ADGRB2: variants seen among roughly 807,000 people sequenced by gnomAD.
ADGRB2 encodes brain-specific angiogenesis inhibitor 2.
ADGRB2 carries 47 observed loss-of-function variants against 178.7 expected under a neutral mutation model. The observed-to-expected ratio is 0.26, with a 90% confidence interval of 0.21 to 0.34. The LOEUF (loss-of-function observed/expected upper bound fraction) is 0.34. ADGRB2 is among the 10% of genes least tolerant of loss of function. ADGRB2 has a pLI of 1.00. For missense variants in ADGRB2, 1,584 were observed against 2,180.8 expected, an observed-to-expected ratio of 0.73 and a Z score of 5.45; for synonymous variants, 870 against 912.4, an observed-to-expected ratio of 0.95 and a Z score of 0.84.
Position 31,756,989 on chromosome 1 carries a change from T to A in ADGRB2, c.22-174A>T, listed in dbSNP as rs1236670239. On this transcript the variant is annotated intron_variant, in intron 3 of 32. Transcript: ENST00000373658. This position sits in a 1 kb window ranked among gnomAD's most constrained non-coding sequence, Gnocchi z 8.5. ...GGACTTGACCTCTCTGAGCCTCAGT[T>A]TCCTTACCTGTAAAATGGACCAATG... is the stretch of plus-strand genomic sequence containing the variant. 6.6e-6 allele frequency among the ~76,000 whole-genome samples: 1 copy of A among 152,196 alleles called. No homozygotes were observed. Among genetic ancestry groups the A allele is most frequent in the Admixed American group, 6.5e-5 (1 of 15,284 alleles).
intron 15 of ADGRB2, 46 bp from the exon 16 acceptor site, chr1:31,738,983 C>T (rs553320440): frequency 6.6e-7 from 1 of 1,521,562 alleles, no homozygotes; most frequent in South Asian, 1.2e-5. Flanking sequence ...GGGTGCCAGC[C>T]CCAGTCAGAA....
intron 3 of ADGRB2, 74 bp downstream of exon 3, chr1:31,757,127 G>A (rs1470800588): frequency 4.3e-6 from 7 of 1,609,230 alleles, no homozygotes; most frequent in East Asian, 2.2e-5. Flanking sequence ...TGTTGCCATC[G>A]TTCTGTTTCC....
At chr1:31,749,097 C>A (rs1314321240) in intron 4 of ADGRB2, among the ~76,000 whole-genome samples, 2 of 152,242 alleles carry the variant, frequency 1.3e-5, no homozygotes, top group Admixed American at 1.3e-4. Flanking sequence ...CCGCCTCCAT[C>A]TAAGCCCCTG....
rs1557728573 is a variant in ADGRB2 at position 31,728,979 on chromosome 1, G to A, written c.4381-346C>T. Among the ~76,000 whole-genome samples, 1 of 152,070 alleles carries A rather than the reference G, an allele frequency of 6.6e-6. No individual in the cohort carries two copies. The highest frequency in any genetic ancestry group is 1.9e-4 in the East Asian group (1 of 5,190). ...CCATCTTGCCCCATTCTCTCTGCCA[G>A]CCATAGCTACCCCTCCCCTTGGAAC... On this transcript the variant is annotated intron_variant, in intron 29 of 32. Coordinates refer to ENST00000373658, the MANE Select transcript of ADGRB2 (RefSeq NM_001364857.2). The surrounding 1 kb of genome is among the most constrained non-coding windows in gnomAD (Gnocchi z 6.7).
rs981012238 is a variant in ADGRB2, at chr1:31,733,061, G to A, written c.3535C>T (p.Arg1179Cys). ...AAGAGGGCCTGGAAGAGGACGGAAC[G>A]GCGGTCTGTCATAGCCAGGACGGCA... is the stretch of plus-strand genomic sequence containing the variant. Reference protein sequence around the residue: ...MSAVLAMTDRRSVLFQALFAV... With the variant: ...MSAVLAMTDRCSVLFQALFAV... Residue 1179 changes from arginine (R) to cysteine (C), a missense_variant, in exon 26 of 33, where the codon CGT (arginine) becomes TGT (cysteine). Coordinates refer to ENST00000373658, the MANE Select transcript of ADGRB2 (RefSeq NM_001364857.2). This position sits in a 1 kb window ranked among gnomAD's most constrained non-coding sequence, Gnocchi z 4.3. The A allele has an allele frequency of 2.5e-6, 4 of 1,580,216 alleles. No homozygotes were observed. Among genetic ancestry groups the A allele is most frequent in the African/African-American group, 1.3e-5 (1 of 74,224 alleles).
Position 31,727,517 on chromosome 1 carries a change from G to A in ADGRB2, c.4661C>T (p.Ser1554Leu), listed in dbSNP as rs1424619746. ...CCGTTCTCGGGGCTTGGGGGGCAGC[G>A]AGCCCAGTGTCATAGATTTGAAGGT... Reference protein sequence around the residue: ...WSTFKSMTLGSLPPKPRERLT... With the variant: ...WSTFKSMTLGLLPPKPRERLT... Residue 1554 changes from serine (S) to leucine (L), a missense_variant, in exon 33 of 33, where the codon TCG becomes TTG. Transcript: ENST00000373658. The surrounding 1 kb of genome is among the most constrained non-coding windows in gnomAD (Gnocchi z 4.4). The A allele has an allele frequency of 6.9e-6, 11 of 1,596,890 alleles. No homozygotes were observed. Among genetic ancestry groups the A allele is most frequent in the African/African-American group, 1.4e-5 (1 of 73,472 alleles).
chr1:31,750,946 T>A (rs576747718), intron 4 of ADGRB2, among the ~76,000 whole-genome samples: 2 of 151,744 alleles, frequency 1.3e-5, no homozygotes, highest in Non-Finnish European at 2.9e-5. Context: ...CACAGAGAGC[T>A]GGGTCCCTGC....
Position 31,756,540 on chromosome 1 carries a change from G to A in ADGRB2, c.297C>T (p.Pro99=). 1 of 1,613,424 alleles carries A rather than the reference G, an allele frequency of 6.2e-7. No homozygotes were observed. The highest frequency in any genetic ancestry group is 8.5e-7 in the Non-Finnish European group (1 of 1,179,710). The change falls in exon 4 of 33, where the codon CCC becomes CCT. Residue 99 remains proline (P), a synonymous_variant. Transcript: ENST00000373658. The surrounding 1 kb of genome is among the most constrained non-coding windows in gnomAD (Gnocchi z 8.5). The stretch of plus-strand genomic sequence containing the variant: ...TAAAGTTGACCAGGTAGTGGTCCAG[G>A]GGCAGCAGGCGGGGGGCAAAGTGTG... ...VCAHFAPRLL[P]LDHYLVNFTC...
In ADGRB2 at chr1:31,736,564, C is replaced by T; in HGVS notation, c.3130+9G>A. 1.2e-6 allele frequency: 2 copies of T among 1,613,194 alleles called. No individual in the cohort carries two copies. The highest frequency in any genetic ancestry group is 1.7e-6 in the Non-Finnish European group (2 of 1,179,522). On this transcript the variant is annotated intron_variant, in intron 21 of 32. Coordinates refer to ENST00000373658, the MANE Select transcript of ADGRB2 (RefSeq NM_001364857.2). ...CCCAGCAGCAGAGTCCAGCACTGGC[C>T]CTGCTCACCCCAGCCCAGGCAGAGG...
chr1:31,733,440 G>T lies in ADGRB2; in HGVS notation c.3453-297C>A, dbSNP rs1645402413. Among the ~76,000 whole-genome samples, 1 of 152,234 alleles carries T rather than the reference G, an allele frequency of 6.6e-6. No individual in the cohort carries two copies. Among genetic ancestry groups the T allele is most frequent in the East Asian group, 1.9e-4 (1 of 5,194 alleles). On this transcript the variant is annotated intron_variant, in intron 25 of 32. Transcript: ENST00000373658. The surrounding 1 kb of genome is among the most constrained non-coding windows in gnomAD (Gnocchi z 4.3). Reference sequence around the variant, plus strand: ...AGTGGAAAGGGACGGGGAGAGAGAAGAGGAGGCAGACAGATGCACAGAATC... The same window carrying T: ...AGTGGAAAGGGACGGGGAGAGAGAATAGGAGGCAGACAGATGCACAGAATC...
At chr1:31,739,211 T>G in intron 15 of ADGRB2, 97 bp downstream of exon 15, 1 of 1,277,670 alleles carries the variant, frequency 7.8e-7, no homozygotes, top group Non-Finnish European at 1.1e-6. Context: ...GAGGCTGCCA[T>G]GGATCTCTCT....
chr1:31,739,296 C>T lies in ADGRB2; in HGVS notation c.2495+12G>A. ...CCCTCAGCAGCCCCAGCCACCCATC[C>T]CCAGGACTCACCTGGGAGGCGGCAG... On this transcript the variant is annotated intron_variant, in intron 15 of 32. Transcript: ENST00000373658. 6.9e-7 allele frequency: 1 copy of T among 1,447,764 alleles called. No homozygotes were observed. The highest frequency in any genetic ancestry group is 2.5e-5 in the East Asian group (1 of 39,668). 89.7% of individuals were successfully genotyped at this position (1,447,764 alleles called of 1,614,324 possible). A position where few individuals can be genotyped will look rare whatever the true frequency, so the allele number is the denominator to read the frequency against.
Position 31,739,289 on chromosome 1 carries a change from A to G in ADGRB2, c.2495+19T>C. On this transcript the variant is annotated intron_variant, in intron 15 of 32. Coordinates refer to ENST00000373658, the MANE Select transcript of ADGRB2 (RefSeq NM_001364857.2). ...TCCTGGACCCTCAGCAGCCCCAGCC[A>G]CCCATCCCCAGGACTCACCTGGGAG... 6.9e-7 allele frequency: 1 copy of G among 1,444,182 alleles called. No individual in the cohort carries two copies. The highest frequency in any genetic ancestry group is 9.1e-7 in the Non-Finnish European group (1 of 1,096,782). 89.5% of individuals were successfully genotyped at this position (1,444,182 alleles called of 1,614,324 possible).
At chr1:31,757,066 G>A in intron 3 of ADGRB2, 135 bp downstream of exon 3, 2 of 1,441,874 alleles carry the variant, frequency 1.4e-6, no homozygotes, top group Admixed American at 3.5e-5. Flanking sequence ...TAAGGGAAAG[G>A]ACTCGCGAGA....
Position 31,740,007 on chromosome 1 carries a change from G to A in ADGRB2, c.2086C>T (p.Arg696Cys), listed in dbSNP as rs267598547. 4 of 1,614,176 alleles carry A rather than the reference G, an allele frequency of 2.5e-6. No homozygotes were observed. Among genetic ancestry groups the A allele is most frequent in the Non-Finnish European group, 2.5e-6 (3 of 1,180,020 alleles). ...QVSPGSVHLL[R>C]VVEDFIHLVG... The stretch of plus-strand genomic sequence containing the variant: ...AGGTGAATGAAGTCCTCCACGACAC[G>A]GAGCAGGTGCACAGAGCCAGGGGAC... Residue 696 changes from arginine (R) to cysteine (C), a missense_variant, in exon 14 of 33, where the codon CGT (arginine) becomes TGT (cysteine). Around this residue, in one of 3 missense-constraint regions of ADGRB2, gnomAD observed 62 missense variants for 140.3 expected, o/e 0.44. Transcript: ENST00000373658. This position sits in a 1 kb window ranked among gnomAD's most constrained non-coding sequence, Gnocchi z 5.9.
At chr1:31,751,006 A>T in intron 4 of ADGRB2, among the ~76,000 whole-genome samples, 1 of 151,650 alleles carries the variant, frequency 6.6e-6, no homozygotes, top group Non-Finnish European at 1.5e-5. Flanking sequence ...ATCGTGTCTG[A>T]CTCAGCCTGC....
chr1:31,757,196 C>G lies in ADGRB2; in HGVS notation c.21+5G>C. 1 of 1,614,204 alleles carries G rather than the reference C, an allele frequency of 6.2e-7. No homozygotes were observed. The highest frequency in any genetic ancestry group is 2.2e-5 in the East Asian group (1 of 44,888). ...CCTTGCATTCAGATCCAGCCCCAGC[C>G]TCACCATCCAACCTGTATTCTCCAT... On this transcript the variant is annotated splice_donor_5th_base_variant and intron_variant, in intron 3 of 32. Coordinates refer to ENST00000373658, the MANE Select transcript of ADGRB2 (RefSeq NM_001364857.2).
rs1373989033 is a variant in ADGRB2, at chr1:31,732,669, A to G, written c.3625-57T>C. The G allele has an allele frequency of 2.5e-6, 4 of 1,572,204 alleles. No homozygotes were observed. The Admixed American group carries it at 5.2e-5, about 20-fold the overall frequency. On this transcript the variant is annotated intron_variant, in intron 26 of 32. Transcript: ENST00000373658. ...GCCACTGCAGGGCCCCCGACCACAG[A>G]TGGCTGTGCTTCCCACCCCAGATGC...
At chr1:31,751,191 G>A (rs539615401) in intron 4 of ADGRB2, among the ~76,000 whole-genome samples, 3 of 152,328 alleles carry the variant, frequency 2.0e-5, no homozygotes, top group African/African-American at 7.2e-5. Context: ...ACACCTCCAC[G>A]CCCTTGCACA....
Sources: allele counts gnomAD v4.1 joint callset (sites outside exome capture counted in the v4.1 genomes callset), GRCh38; gene constraint gnomAD v4.1.1; regional missense constraint gnomAD v4.1.1; non-coding constraint Gnocchi (gnomAD v3.1); transcripts MANE v1.5; gene names NCBI Gene and HGNC (gene_info 2026-07-23, HGNC 2026-07-21).